Variants in SGCZ observed in about 807,000 individuals in gnomAD.
The protein encoded by SGCZ is zeta-sarcoglycan.
Under a neutral mutation model 41.3 loss-of-function variants are expected in SGCZ, and 40 were observed. The observed-to-expected ratio is 0.97, with a 90% CI of 0.75 to 1.26. The LOEUF (loss-of-function observed/expected upper bound fraction) is 1.26, where lower values mean the gene tolerates loss of function less well. SGCZ is among the 50% of genes most tolerant of loss of function. The pLI is 0.00. For synonymous variants in SGCZ, 206 were observed against 137.5 expected (o/e 1.50, Z -3.49); for missense variants, 552 against 369.8 (o/e 1.49, Z -4.04).
chr8:14,102,163 C>G (rs1267262600), intron 7 of SGCZ, among the ~76,000 whole-genome samples: 1 of 148,968 alleles, frequency 6.7e-6, no homozygotes, highest in African/African-American at 2.5e-5. Flanking sequence ...TGTTCTTGAT[C>G]TCCTGACCTC....
At chr8:15,168,050 G>A (rs1027861287) in intron 1 of SGCZ, among the ~76,000 whole-genome samples, 3 of 152,124 alleles carry the variant, frequency 2.0e-5, no homozygotes, top group Non-Finnish European at 4.4e-5. Flanking sequence ...AGCTATCTGG[G>A]TATGTCACAA....
rs1282255682 is a variant in SGCZ, at chr8:14,498,603, C to T, written c.234+56129G>A. ...CTTTTCTTAACTTAAATATTATTCA[C>T]TTATTCCTTATTTCCTTTTAACTTT... On this transcript the variant is annotated intron_variant, in intron 2 of 7. Transcript: ENST00000382080. Among the ~76,000 whole-genome samples, 5 of 152,052 alleles carry T rather than the reference C, an allele frequency of 3.3e-5. No homozygotes were observed. In the East Asian group the frequency reaches 9.7e-4, roughly 29 times the overall value.
intron 1 of SGCZ, among the ~76,000 whole-genome samples, chr8:14,587,666 G>A (rs949380337): frequency 6.6e-6 from 1 of 152,110 alleles, no homozygotes; most frequent in African/African-American, 2.4e-5. Flanking sequence ...AATCTAATAG[G>A]AAGCAGATGT....
chr8:14,318,318 T>C (rs1488936925), intron 3 of SGCZ, among the ~76,000 whole-genome samples: 1 of 151,822 alleles, frequency 6.6e-6, no homozygotes, highest in African/African-American at 2.4e-5. Flanking sequence ...CCAGAAAAGT[T>C]TTTACAAATC....
chr8:14,962,387 T>C (rs938431399), intron 1 of SGCZ, among the ~76,000 whole-genome samples: 1 of 100,320 alleles, frequency 1.0e-5, no homozygotes, highest in African/African-American at 8.4e-5. Context: ...AAGGTAATTG[T>C]ATATATATAT....
intron 1 of SGCZ, among the ~76,000 whole-genome samples, chr8:15,128,529 C>T (rs975176566): frequency 2.0e-5 from 3 of 152,196 alleles, no homozygotes; most frequent in Non-Finnish European, 4.4e-5. Context: ...CCAGACTCTC[C>T]ATTTAGTCCT....
intron 2 of SGCZ, among the ~76,000 whole-genome samples, chr8:14,534,551 T>G (rs920689610): frequency 6.6e-6 from 1 of 151,954 alleles, no homozygotes; most frequent in African/African-American, 2.4e-5. Context: ...ATTAACCAAA[T>G]AAGAAACAGT....
chr8:14,379,923 G>A (rs143260520), intron 2 of SGCZ, among the ~76,000 whole-genome samples: 268 of 152,068 alleles, frequency 1.8e-3, no homozygotes, highest in African/African-American at 5.8e-3. Flanking sequence ...CTAGAGATGG[G>A]GCTTCACCAT....
At chr8:14,201,662 A>T (rs1171998341) in intron 4 of SGCZ, among the ~76,000 whole-genome samples, 2 of 152,190 alleles carry the variant, frequency 1.3e-5, no homozygotes, top group Admixed American at 1.3e-4. Flanking sequence ...ACCAAGGGGC[A>T]TAATGTATTT....
intron 1 of SGCZ, among the ~76,000 whole-genome samples, chr8:14,836,847 T>G (rs1006684164): frequency 1.3e-5 from 2 of 152,138 alleles, no homozygotes; most frequent in African/African-American, 4.8e-5. Flanking sequence ...GTCACTTCCT[T>G]CTTAAAAATA....
chr8:14,354,521 C>T (rs1803222303), intron 2 of SGCZ, among the ~76,000 whole-genome samples: 1 of 151,608 alleles, frequency 6.6e-6, no homozygotes, highest in Admixed American at 6.6e-5. Context: ...TATTCCAACA[C>T]AGTAATATTC....
chr8:14,357,837 G>A (rs761893216), intron 2 of SGCZ, among the ~76,000 whole-genome samples: 2 of 152,118 alleles, frequency 1.3e-5, no homozygotes, highest in Non-Finnish European at 2.9e-5. Flanking sequence ...GTATTTTCTT[G>A]CTAACTCCAA....
intron 1 of SGCZ, among the ~76,000 whole-genome samples, chr8:15,116,183 C>T (rs182327517): frequency 3.5e-4 from 54 of 152,212 alleles, no homozygotes; most frequent in African/African-American, 1.3e-3. Context: ...CCATACAACT[C>T]TTCATTTTTA....
intron 1 of SGCZ, among the ~76,000 whole-genome samples, chr8:14,811,271 A>C (rs1211827233): frequency 6.6e-6 from 1 of 152,010 alleles, no homozygotes; most frequent in African/African-American, 2.4e-5. Context: ...TGAAACTTAC[A>C]ATAAAAATTT....
At chr8:15,180,793 A>G (rs893128513) in intron 1 of SGCZ, among the ~76,000 whole-genome samples, 7 of 151,916 alleles carry the variant, frequency 4.6e-5, no homozygotes, top group Admixed American at 3.9e-4. Context: ...AGGCTGAGGC[A>G]GGAGAATGGC....
At chr8:15,195,710 A>T (rs989885073) in intron 1 of SGCZ, among the ~76,000 whole-genome samples, 1 of 152,152 alleles carries the variant, frequency 6.6e-6, no homozygotes, top group Non-Finnish European at 1.5e-5. Context: ...GGTATGTTCA[A>T]GTATAATACT....
At chr8:14,717,119 AAG>A (rs1809715572) in intron 1 of SGCZ, among the ~76,000 whole-genome samples, 1 of 152,114 alleles carries the variant, frequency 6.6e-6, no homozygotes, top group Admixed American at 6.6e-5. Context: ...TAGTGTAAAA[AAG>A]GAACTACGAC....
chr8:14,896,465 T>C, intron 1 of SGCZ, among the ~76,000 whole-genome samples: 1 of 137,098 alleles, frequency 7.3e-6, no homozygotes, highest in East Asian at 1.9e-4. Context: ...TTATTTATTT[T>C]ACTATTATTA....
chr8:14,222,007 T>C (rs780225830), intron 4 of SGCZ, among the ~76,000 whole-genome samples: 8 of 150,504 alleles, frequency 5.3e-5, no homozygotes, highest in Admixed American at 1.3e-4. Context: ...CCAGGAGAGA[T>C]TGGAATAAAT....
Sources: gnomAD v4.1 joint callset for allele counts (sites outside exome capture counted in the v4.1 genomes callset) on GRCh38, gnomAD v4.1.1 for gene constraint, MANE v1.5 for transcripts, NCBI Gene and HGNC (gene_info 2026-07-23, HGNC 2026-07-21) for gene names.